Variants in USP32 observed in about 807,000 individuals in gnomAD.
USP32 encodes the protein ubiquitin carboxyl-terminal hydrolase 32.
A neutral mutation model predicts 204.8 loss-of-function variants in USP32; 59 were observed. The observed-to-expected ratio is 0.29, with a 90% CI of 0.23 to 0.36. The LOEUF is 0.36. Among genes scored for constraint, USP32 ranks in the 10% least tolerant of loss-of-function variants. The probability of loss-of-function intolerance (pLI) is 1.00; values close to 1 mark genes in which losing one functional copy is unlikely to be tolerated. For synonymous variants in USP32, 517 were observed against 678.4 expected (o/e 0.76, Z 3.70); for missense variants, 1,160 against 1,946.4 (o/e 0.60, Z 7.60).
intron 5 of USP32, among the ~76,000 whole-genome samples, chr17:60,273,210 T>C (rs117992684): frequency 0.012 from 1,825 of 152,230 alleles, 21 homozygotes; most frequent in Middle Eastern, 0.017. Context: ...TGGCCTCAAG[T>C]GATCTGTCTG....
intron 11 of USP32, among the ~76,000 whole-genome samples, chr17:60,248,078 T>C (rs2086080642): frequency 6.6e-6 from 1 of 152,238 alleles, no homozygotes; most frequent in African/African-American, 2.4e-5. Flanking sequence ...AGCTTTGTAG[T>C]GTATTTTGAA....
chr17:60,288,097 G>C (rs1471723961), intron 5 of USP32, among the ~76,000 whole-genome samples: 1 of 124,042 alleles, frequency 8.1e-6, no homozygotes, highest in African/African-American at 3.3e-5. Context: ...CTGGGCAACA[G>C]AGGGAGACTT....
chr17:60,268,584 A>T (rs2086656839), intron 7 of USP32, among the ~76,000 whole-genome samples: 1 of 132,490 alleles, frequency 7.5e-6, no homozygotes, highest in South Asian at 2.2e-4. Context: ...CCCTGTCTCA[A>T]AAAAAAAAAA....
intron 6 of USP32, among the ~76,000 whole-genome samples, chr17:60,271,046 C>T (rs1166783358): frequency 6.6e-6 from 1 of 152,118 alleles, no homozygotes; most frequent in Non-Finnish European, 1.5e-5. Flanking sequence ...CACATGACTC[C>T]AGGCACTAGC....
chr17:60,274,732 C>T (rs1011147810), intron 5 of USP32, among the ~76,000 whole-genome samples: 1 of 151,720 alleles, frequency 6.6e-6, no homozygotes, highest in Admixed American at 6.6e-5. Flanking sequence ...TTTAGCAGAA[C>T]CACACCAAAA....
chr17:60,223,171 AT>A (rs1191693208), intron 14 of USP32, among the ~76,000 whole-genome samples: 1 of 152,228 alleles, frequency 6.6e-6, no homozygotes, highest in Non-Finnish European at 1.5e-5. Context: ...GTGAAACAAC[AT>A]TTTCAGAATA....
At chr17:60,183,599 A>T in intron 30 of USP32, 146 bp from the exon 31 acceptor site, 1 of 1,221,710 alleles carries the variant, frequency 8.2e-7, no homozygotes, top group Non-Finnish European at 1.1e-6. Context: ...GACTTCAAAA[A>T]TATGGTTTCA....
intron 4 of USP32, among the ~76,000 whole-genome samples, chr17:60,292,107 T>C (rs1028138168): frequency 2.0e-5 from 3 of 152,080 alleles, no homozygotes; most frequent in Admixed American, 2.0e-4. Context: ...GTATTTGACA[T>C]AGTTGAGTTC....
At chr17:60,383,476 CTG>C (rs1164470831) in intron 1 of USP32, among the ~76,000 whole-genome samples, 1 of 152,162 alleles carries the variant, frequency 6.6e-6, no homozygotes, top group Non-Finnish European at 1.5e-5. Flanking sequence ...TATCCTGACA[CTG>C]GGGATTCAGC....
rs779731299 is a variant in USP32 at position 60,192,971 on chromosome 17, TG to T, written c.3435-42del. On this transcript the variant is annotated intron_variant, in intron 27 of 33. Transcript: ENST00000300896. Reference sequence around the variant, plus strand: ...ACAAAAAGAGTGTAAGAAGCATTTCTGGTTCGAGGTCCAACTCCTCTTCATC... The same window carrying T: ...ACAAAAAGAGTGTAAGAAGCATTTCTGTTCGAGGTCCAACTCCTCTTCATC... 17 of 1,605,468 alleles carry T rather than the reference TG, an allele frequency of 1.1e-5. No individual in the cohort carries two copies. In the Admixed American group the frequency reaches 1.5e-4, roughly 14 times the overall value.
intron 12 of USP32, among the ~76,000 whole-genome samples, chr17:60,235,048 GTTC>G (rs778779964): frequency 7.9e-5 from 12 of 152,098 alleles, no homozygotes; most frequent in Non-Finnish European, 1.8e-4. Flanking sequence ...CCAGGTTCAT[GTTC>G]TTGTCAGTGC....
At chr17:60,185,187 A>T (rs2084219993) in intron 30 of USP32, among the ~76,000 whole-genome samples, 1 of 152,184 alleles carries the variant, frequency 6.6e-6, no homozygotes, top group Non-Finnish European at 1.5e-5. Flanking sequence ...ACCACGTTGT[A>T]CCCCTTGTGG....
rs548951865 is a variant in USP32, at chr17:60,409,000, T to C, written c.106+13246A>G. Reference sequence around the variant, plus strand: ...ATAAAACATGACCCAGACCCCAGCTTGGGGAGACACAGCTGAGCATTTCCT... The same window carrying C: ...ATAAAACATGACCCAGACCCCAGCTCGGGGAGACACAGCTGAGCATTTCCT... On this transcript the variant is annotated intron_variant, in intron 1 of 3. Coordinates refer to the USP32 transcript ENST00000588898. Among the ~76,000 whole-genome samples the C allele has an allele frequency of 1.1e-4, 16 of 152,236 alleles. No individual in the cohort carries two copies. In the East Asian group the frequency reaches 2.9e-3, roughly 28 times the overall value.
In USP32 at chr17:60,291,535, GTA is replaced by G. The variant is rs1157858761; in HGVS notation, c.412-2855_412-2854del. Among the ~76,000 whole-genome samples the G allele has an allele frequency of 1.1e-3, 141 of 131,430 alleles. 1 individual carries two copies. Among genetic ancestry groups the G allele is most frequent in the Middle Eastern group, 3.7e-3 (1 of 268 alleles). 86.2% of individuals were successfully genotyped at this position (131,430 alleles called of 152,430 possible). On this transcript the variant is annotated intron_variant, in intron 4 of 33. Transcript: ENST00000300896. The stretch of plus-strand genomic sequence containing the variant: ...CTAAAGTGCTTCTCTCTCTGTGTGT[GTA>G]TGTGTGTGTGTGTGTGTGTGTGTGT...
intron 26 of USP32, among the ~76,000 whole-genome samples, chr17:60,202,267 T>C (rs997178371): frequency 4.6e-5 from 7 of 152,240 alleles, no homozygotes; most frequent in African/African-American, 1.7e-4. Context: ...AATGGTCTAC[T>C]TGTCTTTTCT....
Position 60,339,201 on chromosome 17 carries a change from G to A in USP32, c.186+6280C>T, listed in dbSNP as rs1339696769. ...GCTGGGATTGCAGGCATGAGCCACC[G>A]CGCCCAGCCTAGAAGAACATAAAAA... On this transcript the variant is annotated intron_variant, in intron 2 of 33. Transcript: ENST00000300896. Among the ~76,000 whole-genome samples the A allele has an allele frequency of 5.3e-5, 8 of 151,796 alleles. No individual in the cohort carries two copies. In the Middle Eastern group the frequency reaches 0.014, roughly 258 times the overall value.
chr17:60,340,019 C>T (rs970439223), intron 2 of USP32, among the ~76,000 whole-genome samples: 2 of 152,116 alleles, frequency 1.3e-5, no homozygotes, highest in Admixed American at 6.6e-5. Flanking sequence ...TATCTCAAAA[C>T]ATTAATTTCA....
chr17:60,422,312 G>A lies in USP32; in HGVS notation c.40C>T (p.Gln14Ter), dbSNP rs2090129867. 1 of 585,036 alleles carries A rather than the reference G, an allele frequency of 1.7e-6. No individual in the cohort carries two copies. Among genetic ancestry groups the A allele is most frequent in the Non-Finnish European group, 2.7e-6 (1 of 368,584 alleles). The allele number at this position is 585,036 out of a possible 1,614,324, so 36.2% of individuals were successfully genotyped here. A position where few individuals can be genotyped will look rare whatever the true frequency, so the allele number is the denominator to read the frequency against. Residue 14 changes from glutamine to a stop codon, truncating the protein, a stop_gained, in exon 1 of 4, where the codon CAG (glutamine) becomes TAG (stop). Coordinates refer to the USP32 transcript ENST00000588898. LOFTEE classifies it high-confidence loss of function. ...AAGGGGCGCCAGCCTCTCCTGGCCT[G>A]CTGTGCGCTCTGCCAAAGTCTTCGC...
At chr17:60,244,686 C>T (rs2085967658) in intron 11 of USP32, among the ~76,000 whole-genome samples, 1 of 152,210 alleles carries the variant, frequency 6.6e-6, no homozygotes, top group Admixed American at 6.5e-5. Context: ...GGCTGGAGAG[C>T]AGGCGTTCCA....
Sources: allele counts gnomAD v4.1 joint callset (sites outside exome capture counted in the v4.1 genomes callset), GRCh38; gene constraint gnomAD v4.1.1; transcripts MANE v1.5; gene names NCBI Gene and HGNC (gene_info 2026-07-23, HGNC 2026-07-21).